Variants in ATRX observed in about 807,000 individuals in gnomAD.
The protein encoded by ATRX is chromatin remodeler ATRX.
Under a neutral mutation model 172.6 loss-of-function variants are expected in ATRX, and 12 were observed. The ratio of observed to expected loss-of-function variants is 0.07; its 90% confidence interval spans 0.04 to 0.11. The LOEUF is 0.11. Ranked by LOEUF, ATRX falls within the 10% of genes least tolerant of loss-of-function variation. The pLI, the probability that ATRX is intolerant of heterozygous loss-of-function variation, is 1.00. For missense variants in ATRX, 1,368 were observed against 1,767.4 expected, an observed-to-expected ratio of 0.77 and a Z score of 4.05; for synonymous variants, 674 against 594.7, an observed-to-expected ratio of 1.13 and a Z score of -1.94.
intron 1 of ATRX, among the ~76,000 whole-genome samples, chrX:77,758,741 G>C (rs1292409586): frequency 9.2e-6 from 1 of 109,038 alleles, no homozygotes; most frequent in Non-Finnish European, 1.9e-5. Context: ...CTGGGTGACA[G>C]AGCGAGATTC....
At chrX:77,513,345 TA>T (rs1430951227) in intron 34 of ATRX, among the ~76,000 whole-genome samples, 1 of 53,714 alleles carries the variant, frequency 1.9e-5, no homozygotes, top group Non-Finnish European at 3.8e-5. Context: ...AAAAAAAGAA[TA>T]ATGGGGTTGG....
At chrX:77,622,541 A>C (rs1557100655) in intron 19 of ATRX, among the ~76,000 whole-genome samples, 1 of 111,605 alleles carries the variant, frequency 9.0e-6, no homozygotes, top group African/African-American at 3.3e-5. Context: ...GAGGATGGCC[A>C]TCAGAGCAGA....
intron 1 of ATRX, among the ~76,000 whole-genome samples, chrX:77,720,260 A>T (rs2073680252): frequency 8.9e-6 from 1 of 112,030 alleles, no homozygotes; most frequent in African/African-American, 3.2e-5. Flanking sequence ...TAACATCATA[A>T]TTAAAACAAC....
intron 29 of ATRX, among the ~76,000 whole-genome samples, chrX:77,557,891 T>C (rs1217276529): frequency 9.0e-6 from 1 of 111,629 alleles, no homozygotes; most frequent in Non-Finnish European, 1.9e-5. Flanking sequence ...CCAAAATGCA[T>C]TCAAGTGTTG....
intron 30 of ATRX, among the ~76,000 whole-genome samples, chrX:77,538,273 A>C (rs1049713536): frequency 7.4e-5 from 8 of 107,911 alleles, no homozygotes; most frequent in African/African-American, 2.4e-4. Context: ...ACACCATGGA[A>C]TACTACTCAG....
chrX:77,773,116 A>AG (rs2076224366), intron 1 of ATRX, among the ~76,000 whole-genome samples: 1 of 106,345 alleles, frequency 9.4e-6, no homozygotes, highest in African/African-American at 3.4e-5. Context: ...AAAAAAAAAA[A>AG]GAACTGAGAT....
intron 7 of ATRX, among the ~76,000 whole-genome samples, chrX:77,685,780 G>A (rs1325100219): frequency 2.7e-5 from 3 of 111,849 alleles, no homozygotes; most frequent in Non-Finnish European, 5.6e-5. Context: ...CAAAGATTTG[G>A]AAGCAACCTA....
At chrX:77,712,277 A>C (rs1037933368) in intron 2 of ATRX, among the ~76,000 whole-genome samples, 11 of 112,182 alleles carry the variant, frequency 9.8e-5, no homozygotes, top group Middle Eastern at 9.2e-3. Flanking sequence ...CTTTGTTGAT[A>C]TCTAGCCTTC....
At chrX:77,665,830 G>T (rs1158784100) in intron 10 of ATRX, among the ~76,000 whole-genome samples, 3 of 111,541 alleles carry the variant, frequency 2.7e-5, no homozygotes, top group African/African-American at 9.8e-5. Flanking sequence ...AATCTGTATG[G>T]GATAAACATG....
chrX:77,515,578 T>C (rs2063025540), intron 34 of ATRX, among the ~76,000 whole-genome samples: 1 of 111,372 alleles, frequency 9.0e-6, no homozygotes, highest in Admixed American at 9.5e-5. Flanking sequence ...CATTATCAAG[T>C]TCCACAGCAA....
intron 1 of ATRX, among the ~76,000 whole-genome samples, chrX:77,757,425 C>G (rs1480116102): frequency 2.7e-5 from 3 of 111,799 alleles, no homozygotes; most frequent in Non-Finnish European, 5.6e-5. Context: ...TCCATTTCTC[C>G]ACCATTTCCT....
intron 19 of ATRX, among the ~76,000 whole-genome samples, chrX:77,625,013 C>T (rs2067769090): frequency 8.9e-6 from 1 of 111,830 alleles, no homozygotes; most frequent in South Asian, 3.7e-4. Flanking sequence ...GCCACAGTCA[C>T]CAAAAAAGCT....
rs980844049 is a variant in ATRX, at chrX:77,776,011, C to T, written c.20+9971G>A. Among the ~76,000 whole-genome samples, 5 of 111,792 alleles carry T rather than the reference C, an allele frequency of 4.5e-5. No homozygotes were observed. In the East Asian group the frequency reaches 1.4e-3, roughly 31 times the overall value. The stretch of plus-strand genomic sequence containing the variant: ...CCACCCAAAGTGGTGGGATTACAGG[C>T]ATGAGCCACTGCACCCAGCCAAAAA... On this transcript the variant is annotated intron_variant, in intron 1 of 34. Transcript: ENST00000373344.
intron 30 of ATRX, among the ~76,000 whole-genome samples, chrX:77,544,992 A>T (rs905847630): frequency 2.7e-5 from 3 of 111,941 alleles, no homozygotes; most frequent in African/African-American, 9.7e-5. Flanking sequence ...AAAAGAAGAC[A>T]TTTATGCAGC....
chrX:77,626,654 G>C (rs782306914), intron 19 of ATRX, among the ~76,000 whole-genome samples: 1 of 111,349 alleles, frequency 9.0e-6, no homozygotes, highest in Non-Finnish European at 1.9e-5. Context: ...GGGTGGCTTT[G>C]AGGACCACCT....
At chrX:77,742,849 A>G (rs2074930558) in intron 1 of ATRX, among the ~76,000 whole-genome samples, 1 of 111,852 alleles carries the variant, frequency 8.9e-6, no homozygotes, top group Admixed American at 9.5e-5. Context: ...AGACTGTGAG[A>G]AAGAACTGTT....
At position 77,683,287 on chromosome X, in the gene ATRX, G is replaced by A; in HGVS notation, c.1969C>T (p.Pro657Ser). 2 of 1,209,648 alleles carry A rather than the reference G, an allele frequency of 1.7e-6. No homozygotes were observed. The highest frequency in any genetic ancestry group is 2.2e-6 in the Non-Finnish European group (2 of 894,101). Residue 657 changes from proline (P) to serine (S), a missense_variant, in exon 9 of 35, where the codon CCA (proline) becomes TCA (serine). Coordinates refer to ENST00000373344, the MANE Select transcript of ATRX (RefSeq NM_000489.6). ...LLEESDLRRS[P>S]RVKTTPLRRP... ...CTCAAGGGTGTAGTCTTTACACGTG[G>A]GGATCTTCGAAGATCAGATTCCTCT...
chrX:77,519,091 C>T (rs2063144616), intron 34 of ATRX, among the ~76,000 whole-genome samples: 1 of 111,469 alleles, frequency 9.0e-6, no homozygotes, highest in Admixed American at 9.5e-5. Flanking sequence ...ATTGAACTGG[C>T]AAAGATTTCT....
At chrX:77,646,736 C>G in intron 15 of ATRX, among the ~76,000 whole-genome samples, 1 of 109,998 alleles carries the variant, frequency 9.1e-6, no homozygotes, top group East Asian at 2.9e-4. Flanking sequence ...ACCTGGGCAA[C>G]ACTGTAAGAC....
Sources: allele counts gnomAD v4.1 joint callset (sites outside exome capture counted in the v4.1 genomes callset), GRCh38; gene constraint gnomAD v4.1.1; transcripts MANE v1.5; gene names NCBI Gene and HGNC (gene_info 2026-07-23, HGNC 2026-07-21).